The following GPD2 variants were observed in gnomAD, a reference collection of about 807,000 sequenced individuals.
GPD2 encodes the protein glycerol-3-phosphate dehydrogenase 2, also known as glycerol-3-phosphate dehydrogenase, mitochondrial.
A neutral mutation model predicts 82.4 loss-of-function variants in GPD2; 54 were observed. That is an observed-to-expected ratio of 0.66 (90% CI 0.53 to 0.82). The LOEUF is 0.82. GPD2 is among the 40% of genes least tolerant of loss of function. GPD2 has a pLI of 0.00. For missense variants in GPD2, 748 were observed against 896.2 expected, an observed-to-expected ratio of 0.83 and a Z score of 2.11; for synonymous variants, 288 against 306.1, an observed-to-expected ratio of 0.94 and a Z score of 0.62.
At chr2:156,565,508 A>G (rs1452127576) in intron 9 of GPD2, among the ~76,000 whole-genome samples, 4 of 152,140 alleles carry the variant, frequency 2.6e-5, no homozygotes, top group Admixed American at 1.3e-4. Flanking sequence ...TAGAGATGGA[A>G]TCCCAGCATT....
chr2:156,574,683 C>T (rs1429717570), intron 13 of GPD2, among the ~76,000 whole-genome samples: 1 of 151,218 alleles, frequency 6.6e-6, no homozygotes, highest in African/African-American at 2.4e-5. Context: ...CTGATAAATA[C>T]CAAATGTAAA....
the GPD2 span, among the ~76,000 whole-genome samples, chr2:156,408,711 T>TAAAAAAAAAA: frequency 3.7e-5 from 3 of 82,030 alleles, no homozygotes; most frequent in Non-Finnish European, 5.0e-5. Flanking sequence ...CTGCACCTGG[T>TAAAAAAAAAA]AAAAAAAAAA....
chr2:156,446,969 G>C (rs1682389476), intron 1 of GPD2, among the ~76,000 whole-genome samples: 1 of 152,092 alleles, frequency 6.6e-6, no homozygotes, highest in Non-Finnish European at 1.5e-5. Context: ...TCTTGACTTA[G>C]AGGTGGTTAT....
At chr2:156,563,730 A>G (rs1687259243) in intron 9 of GPD2, among the ~76,000 whole-genome samples, 1 of 152,102 alleles carries the variant, frequency 6.6e-6, no homozygotes, top group African/African-American at 2.4e-5. Flanking sequence ...TCCGTTGGAG[A>G]TGTAGGCAAG....
chr2:156,523,675 T>C (rs1685499060), intron 6 of GPD2, among the ~76,000 whole-genome samples: 2 of 107,358 alleles, frequency 1.9e-5, no homozygotes, highest in Non-Finnish European at 4.0e-5. Context: ...CTTTTCTAGA[T>C]AGATAGATAG....
At chr2:156,449,655 T>C (rs1174344390) in intron 1 of GPD2, among the ~76,000 whole-genome samples, 5 of 151,992 alleles carry the variant, frequency 3.3e-5, no homozygotes, top group South Asian at 2.1e-4. Context: ...GGGAGTTAGT[T>C]AGTCTGTTTT....
intron 8 of GPD2, among the ~76,000 whole-genome samples, chr2:156,554,133 G>A (rs1686871799): frequency 2.6e-5 from 4 of 152,196 alleles, no homozygotes. Flanking sequence ...TGAGGCAACT[G>A]TACTTCTGGC....
At chr2:156,509,354 C>T (rs905967728) in intron 3 of GPD2, among the ~76,000 whole-genome samples, 2 of 152,160 alleles carry the variant, frequency 1.3e-5, no homozygotes, top group African/African-American at 2.4e-5. Flanking sequence ...GTTATAAAAA[C>T]GACCCTTTGG....
chr2:156,447,339 T>TC (rs1452542827), intron 1 of GPD2, among the ~76,000 whole-genome samples: 32 of 146,908 alleles, frequency 2.2e-4, no homozygotes, highest in Non-Finnish European at 3.5e-4. Flanking sequence ...AATCTCTCTC[T>TC]TTTTTTTTTT....
Position 156,513,190 on chromosome 2 carries a change from CA to C in GPD2, c.498-142del. 1.4e-5 allele frequency: 10 copies of C among 722,606 alleles called. No individual in the cohort carries two copies. In the South Asian group the frequency reaches 1.5e-4, roughly 11 times the overall value. The allele number at this position is 722,606 out of a possible 1,614,324, so 44.8% of individuals were successfully genotyped here. A position where few individuals can be genotyped will look rare whatever the true frequency, so the allele number is the denominator to read the frequency against. On this transcript the variant is annotated intron_variant, in intron 5 of 16. Coordinates refer to ENST00000438166, the MANE Select transcript of GPD2 (RefSeq NM_000408.5). ...ACTTCAGCTAGGTTGGTGTCAAAAA[CA>C]GTTGCATAAGTCTGTTTCTTTTGCA...
chr2:156,574,707 A>C (rs1422379343), intron 13 of GPD2, among the ~76,000 whole-genome samples: 3 of 152,208 alleles, frequency 2.0e-5, no homozygotes, highest in African/African-American at 7.2e-5. Context: ...GATAGAAGCC[A>C]AGTGCTCAAC....
intron 13 of GPD2, among the ~76,000 whole-genome samples, chr2:156,576,627 A>G (rs1420340206): frequency 6.6e-6 from 1 of 152,222 alleles, no homozygotes; most frequent in Admixed American, 6.5e-5. Context: ...CCAGTGCTAG[A>G]GTTGTTTAGA....
intron 2 of GPD2, among the ~76,000 whole-genome samples, chr2:156,478,493 G>A (rs1301645440): frequency 6.6e-6 from 1 of 151,928 alleles, no homozygotes; most frequent in East Asian, 1.9e-4. Context: ...TAGCCATAGG[G>A]ACTGGCAAAA....
chr2:156,457,308 C>A (rs926121433), intron 1 of GPD2, among the ~76,000 whole-genome samples: 7 of 152,174 alleles, frequency 4.6e-5, no homozygotes, highest in Non-Finnish European at 8.8e-5. Flanking sequence ...AACCTTTGCT[C>A]AGGCTTCTTA....
At chr2:156,559,943 T>C (rs1687107920) in intron 9 of GPD2, among the ~76,000 whole-genome samples, 1 of 152,240 alleles carries the variant, frequency 6.6e-6, no homozygotes, top group Non-Finnish European at 1.5e-5. Flanking sequence ...TTATTGTTAA[T>C]GAATCTTCCT....
chr2:156,546,725 G>T (rs1462975230), intron 6 of GPD2, among the ~76,000 whole-genome samples: 3 of 152,102 alleles, frequency 2.0e-5, no homozygotes, highest in African/African-American at 7.2e-5. Context: ...TAAGTCCCGA[G>T]GGAATCACTC....
intron 3 of GPD2, among the ~76,000 whole-genome samples, chr2:156,499,628 A>T (rs912571544): frequency 5.3e-5 from 8 of 152,030 alleles, no homozygotes; most frequent in Admixed American, 5.2e-4. Flanking sequence ...ACAAGATTGT[A>T]TTTCTTTTTT....
Position 156,493,957 on chromosome 2 carries a change from T to TGTGTGC in GPD2, c.103-2085_103-2084insGTGCGT, listed in dbSNP as rs1170487260. Among the ~76,000 whole-genome samples, 69 of 127,798 alleles carry TGTGTGC rather than the reference T, an allele frequency of 5.4e-4. 1 individual carries two copies. Among genetic ancestry groups the TGTGTGC allele is most frequent in the African/African-American group, 1.8e-3 (67 of 37,034 alleles). 83.8% of individuals were successfully genotyped at this position (127,798 alleles called of 152,430 possible). ...GTGTGTGTGTGTGTGTGTGTGTGTG[T>TGTGTGC]GTATAATTTTTTTCCTCATTAGATG... is the stretch of plus-strand genomic sequence containing the variant. On this transcript the variant is annotated intron_variant, in intron 2 of 16. Transcript: ENST00000438166.
At chr2:156,555,333 A>C (rs1359684822) in intron 8 of GPD2, among the ~76,000 whole-genome samples, 1 of 152,184 alleles carries the variant, frequency 6.6e-6, no homozygotes, top group African/African-American at 2.4e-5. Flanking sequence ...ATTGCATTGC[A>C]AGTTTTTAAA....
Sources: allele counts gnomAD v4.1 joint callset (sites outside exome capture counted in the v4.1 genomes callset), GRCh38; gene constraint gnomAD v4.1.1; transcripts MANE v1.5; gene names NCBI Gene and HGNC (gene_info 2026-07-23, HGNC 2026-07-21).